Variants in CCSER1 observed in about 807,000 individuals in gnomAD.
The protein encoded by CCSER1 is serine-rich coiled-coil domain-containing protein 1.
CCSER1 carries 41 observed loss-of-function variants against 82.0 expected under a neutral mutation model. The observed-to-expected ratio is 0.50, with a 90% CI of 0.39 to 0.65. The LOEUF is 0.65. Ranked by LOEUF, CCSER1 falls within the 30% of genes least tolerant of loss-of-function variation. The pLI, the probability that CCSER1 is intolerant of heterozygous loss-of-function variation, is 0.00. For synonymous variants in CCSER1, 414 were observed against 383.9 expected, an observed-to-expected ratio of 1.08 and a Z score of -0.92; for missense variants, 1,119 against 1,064.2, an observed-to-expected ratio of 1.05 and a Z score of -0.72.
At chr4:91,151,190 A>G (rs149238654) in intron 10 of CCSER1, among the ~76,000 whole-genome samples, 1,763 of 152,168 alleles carry the variant, frequency 0.012, 21 homozygotes, top group Non-Finnish European at 0.02. Context: ...TTCCTGGTTT[A>G]GTCTTGGGAG....
chr4:90,616,877 C>G (rs1016701479), intron 5 of CCSER1, among the ~76,000 whole-genome samples: 1 of 152,078 alleles, frequency 6.6e-6, no homozygotes, highest in Non-Finnish European at 1.5e-5. Flanking sequence ...TAGAGTTTGG[C>G]TTAAGAAGCT....
At chr4:90,902,184 T>G (rs1724759316) in intron 8 of CCSER1, among the ~76,000 whole-genome samples, 3 of 151,972 alleles carry the variant, frequency 2.0e-5, no homozygotes, top group African/African-American at 7.2e-5. Context: ...ATGTCATGTT[T>G]TATATCTTGC....
At chr4:91,133,211 C>A (rs1451710075) in intron 10 of CCSER1, among the ~76,000 whole-genome samples, 1 of 152,116 alleles carries the variant, frequency 6.6e-6, no homozygotes, top group African/African-American at 2.4e-5. Context: ...CCCTTCTCTT[C>A]CTACCCCCTC....
intron 9 of CCSER1, among the ~76,000 whole-genome samples, chr4:91,003,747 A>G (rs111601102): frequency 5.2e-4 from 79 of 152,188 alleles, no homozygotes; most frequent in African/African-American, 1.8e-3. Context: ...GATTTCCTCA[A>G]TGGGTTGAAA....
At chr4:90,672,308 G>A (rs998176626) in intron 6 of CCSER1, among the ~76,000 whole-genome samples, 2 of 151,986 alleles carry the variant, frequency 1.3e-5, no homozygotes, top group African/African-American at 2.4e-5. Context: ...ACTTGCTGCA[G>A]CATCTTCATC....
At chr4:90,411,812 G>A (rs1354910337) in intron 4 of CCSER1, among the ~76,000 whole-genome samples, 1 of 152,124 alleles carries the variant, frequency 6.6e-6, no homozygotes, top group African/African-American at 2.4e-5. Context: ...CATTCAATTA[G>A]GAAAAGAGGC....
At chr4:90,294,283 A>G (rs1731457792) in intron 1 of CCSER1, among the ~76,000 whole-genome samples, 1 of 152,042 alleles carries the variant, frequency 6.6e-6, no homozygotes, top group South Asian at 2.1e-4. Flanking sequence ...AGGCAGAGGC[A>G]GGAGGATAGC....
chr4:91,317,707 A>C lies in CCSER1; in HGVS notation c.2217+231713A>C, dbSNP rs533465056. On this transcript the variant is annotated intron_variant, in intron 10 of 10. Coordinates refer to ENST00000509176, the MANE Select transcript of CCSER1 (RefSeq NM_001145065.2). ...TTTATAATGGAAAGAAACTTAGGAG[A>C]GACTTTTGAGAACATGTTGACCTTG... Among the ~76,000 whole-genome samples, 3 of 151,970 alleles carry C rather than the reference A, an allele frequency of 2.0e-5. No individual in the cohort carries two copies. In the South Asian group the frequency reaches 6.2e-4, roughly 32 times the overall value.
At chr4:91,218,063 G>A in intron 10 of CCSER1, among the ~76,000 whole-genome samples, 1 of 152,238 alleles carries the variant, frequency 6.6e-6, no homozygotes, top group East Asian at 1.9e-4. Context: ...GGAGCCCATG[G>A]AGTGGGTGGG....
chr4:90,511,274 C>T lies in CCSER1; in HGVS notation c.1724+42920C>T, dbSNP rs113341066. Among the ~76,000 whole-genome samples the T allele has an allele frequency of 8.5e-3, 1,293 of 152,014 alleles. 20 individuals carry two copies. The highest frequency in any genetic ancestry group is 0.029 in the African/African-American group (1,222 of 41,468). Reference sequence around the variant, plus strand: ...CTCTACTAAAAATACAAAAACTAGCCGGGCGTGGTGGCACACACCTGTAGT... The same window carrying T: ...CTCTACTAAAAATACAAAAACTAGCTGGGCGTGGTGGCACACACCTGTAGT... On this transcript the variant is annotated intron_variant, in intron 5 of 10. Coordinates refer to ENST00000509176, the MANE Select transcript of CCSER1 (RefSeq NM_001145065.2).
chr4:90,185,443 G>C (rs999380585), intron 1 of CCSER1, among the ~76,000 whole-genome samples: 1 of 152,016 alleles, frequency 6.6e-6, no homozygotes, highest in African/African-American at 2.4e-5. Context: ...TTTCAATATT[G>C]ATCTTTGAAA....
At chr4:91,537,430 T>A (rs148947462) in intron 10 of CCSER1, among the ~76,000 whole-genome samples, 24 of 152,232 alleles carry the variant, frequency 1.6e-4, no homozygotes, top group African/African-American at 5.5e-4. Context: ...AAAATTTTCA[T>A]GTGAATTGAA....
chr4:91,496,033 T>C (rs575137959), intron 10 of CCSER1, among the ~76,000 whole-genome samples: 4 of 151,632 alleles, frequency 2.6e-5, no homozygotes, highest in Non-Finnish European at 5.9e-5. Flanking sequence ...CTTTCTGCTA[T>C]GATAATTGTT....
intron 5 of CCSER1, among the ~76,000 whole-genome samples, chr4:90,584,864 G>A (rs561748173): frequency 2.6e-5 from 4 of 151,762 alleles, no homozygotes; most frequent in Non-Finnish European, 4.4e-5. Context: ...TTTAAAAAAA[G>A]CACAATGATT....
chr4:90,381,995 T>C (rs1011038566), intron 3 of CCSER1, among the ~76,000 whole-genome samples: 1 of 152,102 alleles, frequency 6.6e-6, no homozygotes, highest in Non-Finnish European at 1.5e-5. Flanking sequence ...CCATTTAGAA[T>C]TTTTTAGTCT....
intron 4 of CCSER1, among the ~76,000 whole-genome samples, chr4:90,423,030 A>G (rs964177346): frequency 6.6e-6 from 1 of 152,168 alleles, no homozygotes; most frequent in African/African-American, 2.4e-5. Context: ...GAACATCAGT[A>G]TATGCACTGA....
At chr4:90,238,530 T>G (rs1746227534) in intron 1 of CCSER1, among the ~76,000 whole-genome samples, 1 of 152,176 alleles carries the variant, frequency 6.6e-6, no homozygotes, top group Non-Finnish European at 1.5e-5. Context: ...GTTTTGTTAG[T>G]GCTTTTGTTT....
intron 10 of CCSER1, among the ~76,000 whole-genome samples, chr4:91,232,411 A>T (rs1331307280): frequency 1.3e-5 from 2 of 151,778 alleles, no homozygotes; most frequent in African/African-American, 4.8e-5. Context: ...AAATCAGATG[A>T]CTCATATATA....
In CCSER1 at chr4:90,284,792, C is replaced by T. The variant is rs533114921; in HGVS notation, c.-41-23452C>T. Among the ~76,000 whole-genome samples the T allele has an allele frequency of 4.4e-4, 67 of 151,824 alleles. 1 individual carries two copies. Among genetic ancestry groups the T allele is most frequent in the Non-Finnish European group, 4.4e-4 (30 of 67,878 alleles). On this transcript the variant is annotated intron_variant, in intron 1 of 10. Coordinates refer to ENST00000509176, the MANE Select transcript of CCSER1 (RefSeq NM_001145065.2). ...ACAGGCATGAGCCACTGTGCCTGGCCTTGAGTTGATTTTTGTATATGGAGA... is the reference window on the plus strand; with the variant it reads ...ACAGGCATGAGCCACTGTGCCTGGCTTTGAGTTGATTTTTGTATATGGAGA...
Sources: gnomAD v4.1 joint callset for allele counts (sites outside exome capture counted in the v4.1 genomes callset) on GRCh38, gnomAD v4.1.1 for gene constraint, MANE v1.5 for transcripts, NCBI Gene and HGNC (gene_info 2026-07-23, HGNC 2026-07-21) for gene names.